The following LSAMP variants were observed in gnomAD, a reference collection of about 807,000 sequenced individuals.
The protein encoded by LSAMP is limbic system associated membrane protein, also known as limbic system-associated membrane protein.
Under a neutral mutation model 38.6 loss-of-function variants are expected in LSAMP, and 7 were observed. That is an observed-to-expected ratio of 0.18 (90% CI 0.10 to 0.34). The LOEUF is 0.34. Ranked by LOEUF, LSAMP falls within the 10% of genes least tolerant of loss-of-function variation. The pLI is 1.00. For missense variants in LSAMP, 313 were observed against 420.0 expected (o/e 0.75, Z 2.23); for synonymous variants, 154 against 166.8 (o/e 0.92, Z 0.59).
intron 1 of LSAMP, among the ~76,000 whole-genome samples, chr3:116,379,941 C>T (rs1045803794): frequency 6.6e-6 from 1 of 152,062 alleles, no homozygotes; most frequent in Non-Finnish European, 1.5e-5. Flanking sequence ...ATTTGGCAAA[C>T]TATCTATAAT....
chr3:115,867,536 C>T (rs1471558330), intron 3 of LSAMP, among the ~76,000 whole-genome samples: 3 of 152,036 alleles, frequency 2.0e-5, no homozygotes, highest in Non-Finnish European at 2.9e-5. Flanking sequence ...AGAGGAGACA[C>T]AGGAAAAGAT....
intron 1 of LSAMP, among the ~76,000 whole-genome samples, chr3:116,117,343 T>G (rs932007847): frequency 6.6e-6 from 1 of 152,156 alleles, no homozygotes; most frequent in Non-Finnish European, 1.5e-5. Flanking sequence ...ATTTTTAAAA[T>G]AAACTATTTT....
At chr3:115,996,984 G>A (rs1165510462) in intron 3 of LSAMP, among the ~76,000 whole-genome samples, 1 of 151,994 alleles carries the variant, frequency 6.6e-6, no homozygotes, top group Non-Finnish European at 1.5e-5. Flanking sequence ...CAAGATCCAC[G>A]TACCGACTAG....
At chr3:116,168,642 G>A (rs1233025934) in intron 1 of LSAMP, among the ~76,000 whole-genome samples, 5 of 152,150 alleles carry the variant, frequency 3.3e-5, no homozygotes, top group African/African-American at 9.7e-5. Flanking sequence ...CTATGCAATA[G>A]GTGTTTGCTC....
At chr3:115,831,977 G>GA (rs1269851765) in intron 6 of LSAMP, among the ~76,000 whole-genome samples, 1 of 152,054 alleles carries the variant, frequency 6.6e-6, no homozygotes, top group Non-Finnish European at 1.5e-5. Context: ...TATCACTGCA[G>GA]AAAATCAAGC....
rs138552688 is a variant in LSAMP, at chr3:116,122,207, T to C, written c.156-35651A>G. ...TTTAGAAATATATTTAATAAGCTGG[T>C]AAAATGTTCACAATATATTGCTACA... On this transcript the variant is annotated intron_variant, in intron 1 of 6. Coordinates refer to ENST00000490035, the MANE Select transcript of LSAMP (RefSeq NM_002338.5). Among the ~76,000 whole-genome samples, 825 of 152,328 alleles carry C rather than the reference T, an allele frequency of 5.4e-3. 4 individuals carry two copies. The highest frequency in any genetic ancestry group is 0.019 in the African/African-American group (788 of 41,582).
chr3:116,084,986 T>C (rs1371386593), intron 2 of LSAMP, among the ~76,000 whole-genome samples: 2 of 152,108 alleles, frequency 1.3e-5, no homozygotes, highest in Admixed American at 6.6e-5. Context: ...TGTGAATAAA[T>C]GTGTGCTTGT....
intron 1 of LSAMP, among the ~76,000 whole-genome samples, chr3:116,176,039 A>G (rs1043618784): frequency 2.6e-5 from 4 of 152,174 alleles, no homozygotes; most frequent in Non-Finnish European, 5.9e-5. Flanking sequence ...TGATATATAC[A>G]GTCCTGACAC....
At chr3:116,420,621 C>A (rs918324215) in intron 1 of LSAMP, among the ~76,000 whole-genome samples, 4 of 151,500 alleles carry the variant, frequency 2.6e-5, no homozygotes, top group African/African-American at 4.9e-5. Context: ...AATCCCAGCA[C>A]TTTGGGAGGG....
chr3:116,438,724 T>C (rs537935089), intron 1 of LSAMP, among the ~76,000 whole-genome samples: 40 of 152,350 alleles, frequency 2.6e-4, no homozygotes, highest in Admixed American at 2.4e-3. Context: ...AGAACAGTTC[T>C]GTACCTTGTC....
chr3:115,985,883 CCAG>C (rs1454514971), intron 3 of LSAMP, among the ~76,000 whole-genome samples: 1 of 152,130 alleles, frequency 6.6e-6, no homozygotes, highest in African/African-American at 2.4e-5. Context: ...GCAGAGCCAC[CCAG>C]CTAAACTGCT....
chr3:116,007,792 G>A (rs1940204575), intron 3 of LSAMP, among the ~76,000 whole-genome samples: 1 of 152,108 alleles, frequency 6.6e-6, no homozygotes, highest in Non-Finnish European at 1.5e-5. Context: ...ATCTCAAAAA[G>A]AAGTGTTTTC....
At chr3:116,033,573 C>T (rs750879861) in intron 2 of LSAMP, among the ~76,000 whole-genome samples, 1 of 152,128 alleles carries the variant, frequency 6.6e-6, no homozygotes, top group Non-Finnish European at 1.5e-5. Flanking sequence ...TTTAGGAGAG[C>T]TGATCAATTC....
intron 1 of LSAMP, among the ~76,000 whole-genome samples, chr3:116,330,554 C>G (rs546984396): frequency 3.8e-4 from 58 of 152,176 alleles, no homozygotes; most frequent in South Asian, 6.2e-4. Context: ...ATGCTCCCCC[C>G]CCCACAACCT....
intron 1 of LSAMP, among the ~76,000 whole-genome samples, chr3:116,115,937 C>T (rs922779995): frequency 2.0e-5 from 3 of 151,876 alleles, no homozygotes; most frequent in African/African-American, 7.2e-5. Flanking sequence ...CGGCTTCCAC[C>T]CCTTTCAATC....
At chr3:116,244,295 A>G (rs2046576641) in intron 1 of LSAMP, among the ~76,000 whole-genome samples, 1 of 152,104 alleles carries the variant, frequency 6.6e-6, no homozygotes, top group Non-Finnish European at 1.5e-5. Flanking sequence ...TTCAATGACA[A>G]TACCACTTCA....
In LSAMP at chr3:116,363,782, G is replaced by T. The variant is rs1311363993; in HGVS notation, c.155+81095C>A. On this transcript the variant is annotated intron_variant, in intron 1 of 6. Transcript: ENST00000490035. ...AAACCACATGATTATCTCAATAGAT[G>T]CAGAAAAGGCCTTTGAAAAAATTCA... 2.0e-5 allele frequency among the ~76,000 whole-genome samples: 3 copies of T among 149,952 alleles called. No individual in the cohort carries two copies. In the East Asian group the frequency reaches 5.9e-4, roughly 29 times the overall value.
chr3:115,861,581 AG>A (rs548453794), intron 3 of LSAMP, among the ~76,000 whole-genome samples: 103 of 152,266 alleles, frequency 6.8e-4, no homozygotes, highest in Non-Finnish European at 1.3e-3. Flanking sequence ...AATTTCCTGT[AG>A]TCCACTTGGT....
intron 1 of LSAMP, among the ~76,000 whole-genome samples, chr3:116,138,250 CA>C (rs1421287064): frequency 2.0e-5 from 3 of 152,070 alleles, no homozygotes; most frequent in African/African-American, 7.2e-5. Flanking sequence ...ATTCAACAAA[CA>C]TTCATTGAGC....
Sources: gnomAD v4.1 joint callset for allele counts (sites outside exome capture counted in the v4.1 genomes callset) on GRCh38, gnomAD v4.1.1 for gene constraint, MANE v1.5 for transcripts, NCBI Gene and HGNC (gene_info 2026-07-23, HGNC 2026-07-21) for gene names.